SPAG17: variants seen among roughly 807,000 people sequenced by gnomAD.
The protein encoded by SPAG17 is sperm associated antigen 17.
In SPAG17, 169 loss-of-function variants were observed where a neutral mutation model predicts 273.6. The ratio of observed to expected loss-of-function variants is 0.62; its 90% CI spans 0.55 to 0.70. The LOEUF is 0.70. Among genes scored for constraint, SPAG17 ranks in the 30% least tolerant of loss-of-function variants. The pLI, the probability that SPAG17 is intolerant of heterozygous loss-of-function variation, is 0.00. For synonymous variants in SPAG17, 825 were observed against 873.2 expected, an observed-to-expected ratio of 0.94 and a Z score of 0.97; for missense variants, 2,557 against 2,627.8, an observed-to-expected ratio of 0.97 and a Z score of 0.59.
chr1:118,148,774 A>G (rs1343487484), intron 3 of SPAG17, among the ~76,000 whole-genome samples: 1 of 152,168 alleles, frequency 6.6e-6, no homozygotes, highest in East Asian at 1.9e-4. Context: ...AGAAGTCCCA[A>G]GAGACTTTCT....
chr1:117,993,627 A>G (rs1657340471), intron 35 of SPAG17, among the ~76,000 whole-genome samples: 1 of 152,190 alleles, frequency 6.6e-6, no homozygotes, highest in Non-Finnish European at 1.5e-5. Context: ...TTAAATGTTC[A>G]TCATTTGTGT....
intron 42 of SPAG17, 75 bp from the exon 43 acceptor site, chr1:117,981,476 C>G: frequency 2.8e-6 from 4 of 1,454,022 alleles, no homozygotes; most frequent in Non-Finnish European, 3.7e-6. Context: ...TTTGCATGAA[C>G]AAACATTGAA....
intron 20 of SPAG17, among the ~76,000 whole-genome samples, chr1:118,045,493 C>T (rs1321319052): frequency 1.3e-5 from 2 of 152,200 alleles, no homozygotes; most frequent in Admixed American, 1.3e-4. Flanking sequence ...AGCTCTTGTG[C>T]TTGGGACTCT....
chr1:118,013,951 T>G (rs1659724250), intron 29 of SPAG17, among the ~76,000 whole-genome samples: 1 of 152,188 alleles, frequency 6.6e-6, no homozygotes, highest in African/African-American at 2.4e-5. Context: ...TGGTAAGGAC[T>G]ATGGCTAGGG....
intron 32 of SPAG17, 34 bp from the exon 33 acceptor site, chr1:117,996,777 A>T: frequency 1.9e-6 from 3 of 1,563,090 alleles, no homozygotes; most frequent in Non-Finnish European, 2.6e-6. Context: ...ACTAAAAGAA[A>T]AGAAAGTCAT....
chr1:118,157,016 G>A (rs1659684960), intron 1 of SPAG17, among the ~76,000 whole-genome samples: 1 of 152,098 alleles, frequency 6.6e-6, no homozygotes, highest in Admixed American at 6.6e-5. Flanking sequence ...TTAGCGATGT[G>A]TTGAAGCCGA....
intron 18 of SPAG17, among the ~76,000 whole-genome samples, chr1:118,063,555 C>T (rs991851984): frequency 2.0e-5 from 3 of 152,106 alleles, no homozygotes; most frequent in African/African-American, 7.2e-5. Flanking sequence ...AAACTGGATC[C>T]CTTCCTTACA....
chr1:118,008,746 C>A (rs1053276196), intron 30 of SPAG17, among the ~76,000 whole-genome samples: 3 of 152,036 alleles, frequency 2.0e-5, no homozygotes, highest in South Asian at 2.1e-4. Flanking sequence ...TCATTCTACA[C>A]CTGCTTTTTT....
rs765496157 is a variant in SPAG17, at chr1:117,983,927, A to G, written c.5770-14T>C. On this transcript the variant is annotated splice_polypyrimidine_tract_variant and intron_variant, in intron 41 of 48. Coordinates refer to ENST00000336338, the MANE Select transcript of SPAG17 (RefSeq NM_206996.4). ...CAGGTGATTATACTGAAAGGAAAAA[A>G]AAACTTATTTTAGACTTATACATGG... The G allele has an allele frequency of 2.7e-6, 4 of 1,485,898 alleles. No homozygotes were observed. The highest frequency in any genetic ancestry group is 2.3e-5 in the South Asian group (2 of 86,884). The allele number at this position is 1,485,898 out of a possible 1,614,324, so 92.0% of individuals were successfully genotyped here. A position where few individuals can be genotyped will look rare whatever the true frequency, so the allele number is the denominator to read the frequency against.
In SPAG17 at chr1:117,994,508, A is replaced by G; in HGVS notation, c.5076T>C (p.Leu1692=). ...EQPGTLTITV[L]RPFHEASPWQ... is the part of the protein sequence containing the mutation. ...ATGGTGATGCTTCATGGAAAGGGCG[A>G]AGGACTGTGATGGTTAGGGTGCCTG... Residue 1692 remains leucine, a synonymous_variant, in exon 35 of 49, where the codon CTT becomes CTC. Coordinates refer to ENST00000336338, the MANE Select transcript of SPAG17 (RefSeq NM_206996.4). 1.2e-6 allele frequency: 2 copies of G among 1,612,186 alleles called. No homozygotes were observed. Among genetic ancestry groups the G allele is most frequent in the African/African-American group, 2.7e-5 (2 of 74,938 alleles).
chr1:118,023,240 A>C, intron 28 of SPAG17, 64 bp downstream of exon 28: 1 of 1,213,138 alleles, frequency 8.2e-7, no homozygotes, highest in Admixed American at 2.5e-5. Context: ...ATAATATTGA[A>C]CACTTATTAA....
chr1:118,087,010 T>C lies in SPAG17; in HGVS notation c.1360-2A>G. ...GAGATCTTCTTCAGTTGCAACAACC[T>C]GTTGAAATCAACAATGAGAGGAATT... On this transcript the variant is annotated splice_acceptor_variant, in intron 10 of 48. Transcript: ENST00000336338. LOFTEE classifies it high-confidence loss of function. 1 of 1,558,538 alleles carries C rather than the reference T, an allele frequency of 6.4e-7. No individual in the cohort carries two copies. Among genetic ancestry groups the C allele is most frequent in the Non-Finnish European group, 8.6e-7 (1 of 1,156,502 alleles).
intron 15 of SPAG17, among the ~76,000 whole-genome samples, 155 bp from the exon 16 acceptor site, chr1:118,074,755 G>T (rs1653937371): frequency 6.6e-6 from 1 of 152,226 alleles, no homozygotes; most frequent in South Asian, 2.1e-4. Context: ...AAAGGTGTTT[G>T]TGTCCATAAT....
chr1:118,052,511 T>G (rs1651175949), intron 20 of SPAG17, among the ~76,000 whole-genome samples: 1 of 151,982 alleles, frequency 6.6e-6, no homozygotes, highest in South Asian at 2.1e-4. Context: ...AACAGTGAAA[T>G]GTATACTTGA....
chr1:118,027,944 G>A (rs993741986), intron 26 of SPAG17, among the ~76,000 whole-genome samples: 11 of 152,288 alleles, frequency 7.2e-5, no homozygotes, highest in Admixed American at 3.9e-4. Context: ...AAGAGCACTG[G>A]CTTTGTCATC....
chr1:118,040,647 CA>C, intron 22 of SPAG17, 82 bp downstream of exon 22: 1 of 903,376 alleles, frequency 1.1e-6, no homozygotes. Flanking sequence ...TCTCGCCTAT[CA>C]AACTCAGGAG....
At chr1:118,041,650 G>T (rs1228857615) in intron 21 of SPAG17, among the ~76,000 whole-genome samples, 153 bp downstream of exon 21, 2 of 152,092 alleles carry the variant, frequency 1.3e-5, no homozygotes, top group Non-Finnish European at 2.9e-5. Context: ...CTAGGTATCA[G>T]GGGTGGAATA....
chr1:118,022,340 T>A (rs908946824), intron 28 of SPAG17, among the ~76,000 whole-genome samples: 6 of 152,048 alleles, frequency 3.9e-5, no homozygotes, highest in Non-Finnish European at 7.4e-5. Flanking sequence ...ACCTCCTATA[T>A]AAAAATATAT....
At chr1:118,182,747 T>G (rs1350890069) in intron 1 of SPAG17, among the ~76,000 whole-genome samples, 1 of 152,314 alleles carries the variant, frequency 6.6e-6, no homozygotes, top group African/African-American at 2.4e-5. Context: ...TAATCATGCT[T>G]CTTCATTCTA....
Sources: allele counts gnomAD v4.1 joint callset (sites outside exome capture counted in the v4.1 genomes callset), GRCh38; gene constraint gnomAD v4.1.1; transcripts MANE v1.5; gene names NCBI Gene and HGNC (gene_info 2026-07-23, HGNC 2026-07-21).